DGKB: variants seen among roughly 807,000 people sequenced by gnomAD.
The protein encoded by DGKB is diacylglycerol kinase beta.
Under a neutral mutation model 114.3 loss-of-function variants are expected in DGKB, and 67 were observed. That is an observed-to-expected ratio of 0.59 (90% CI 0.48 to 0.72). The LOEUF is 0.72. Ranked by LOEUF, DGKB falls within the 30% of genes least tolerant of loss-of-function variation. The pLI, the probability that DGKB is intolerant of heterozygous loss-of-function variation, is 0.00. For synonymous variants in DGKB, 398 were observed against 323.1 expected, an observed-to-expected ratio of 1.23 and a Z score of -2.49; for missense variants, 907 against 975.2, an observed-to-expected ratio of 0.93 and a Z score of 0.93.
At chr7:14,235,707 A>G (rs1792656204) in intron 23 of DGKB, among the ~76,000 whole-genome samples, 5 of 152,092 alleles carry the variant, frequency 3.3e-5, no homozygotes, top group African/African-American at 1.2e-4. Context: ...ACTTTTCCCA[A>G]TACCCTTAAT....
rs118036591 is a variant in DGKB, at chr7:14,793,950, C to T, written c.71-36219G>A. On this transcript the variant is annotated intron_variant, in intron 2 of 25. Coordinates refer to ENST00000402815, the MANE Select transcript of DGKB (RefSeq NM_001350709.2). The stretch of plus-strand genomic sequence containing the variant: ...AGAAAGAACTTGCTTCTTTTTGCTT[C>T]CTGCCTGCCTGACTGAGCTCATCTT... Among the ~76,000 whole-genome samples the T allele has an allele frequency of 5.2e-4, 79 of 152,118 alleles. No homozygotes were observed. In the East Asian group the frequency reaches 0.015, roughly 28 times the overall value.
chr7:14,563,948 C>A (rs1312320152), intron 20 of DGKB, among the ~76,000 whole-genome samples: 1 of 152,172 alleles, frequency 6.6e-6, no homozygotes, highest in African/African-American at 2.4e-5. Flanking sequence ...TTTCTGCTAG[C>A]ACAAGCCACC....
intron 15 of DGKB, among the ~76,000 whole-genome samples, chr7:14,619,186 T>C (rs1807143316): frequency 6.6e-6 from 1 of 151,334 alleles, no homozygotes; most frequent in Admixed American, 6.7e-5. Context: ...TGGTATTTTT[T>C]TAACTGGTGT....
At chr7:14,717,850 T>G (rs1308367419) in intron 6 of DGKB, among the ~76,000 whole-genome samples, 1 of 152,122 alleles carries the variant, frequency 6.6e-6, no homozygotes, top group Non-Finnish European at 1.5e-5. Context: ...ATGATCAGGT[T>G]TAGAGTAAAT....
chr7:14,662,215 A>C (rs1252666758), intron 13 of DGKB, among the ~76,000 whole-genome samples: 1 of 151,884 alleles, frequency 6.6e-6, no homozygotes, highest in African/African-American at 2.4e-5. Flanking sequence ...TAATTAAAAA[A>C]AATAAAAATA....
intron 6 of DGKB, among the ~76,000 whole-genome samples, chr7:14,707,402 G>A (rs1311978637): frequency 1.4e-5 from 2 of 146,068 alleles, no homozygotes; most frequent in Non-Finnish European, 1.5e-5. Context: ...GGAGGAACTG[G>A]TACCATTCCT....
intron 15 of DGKB, among the ~76,000 whole-genome samples, chr7:14,617,936 C>A (rs1400058795): frequency 6.6e-6 from 1 of 151,590 alleles, no homozygotes; most frequent in African/African-American, 2.4e-5. Flanking sequence ...TTACTCAGCT[C>A]TATTTTTACA....
At chr7:14,658,454 T>G (rs577061943) in intron 13 of DGKB, among the ~76,000 whole-genome samples, 1 of 151,866 alleles carries the variant, frequency 6.6e-6, no homozygotes. Context: ...AAAGAGAGGT[T>G]GGTTAATGGA....
chr7:14,349,289 A>G (rs1813030049), intron 21 of DGKB, among the ~76,000 whole-genome samples: 2 of 152,220 alleles, frequency 1.3e-5, no homozygotes, highest in Middle Eastern at 3.4e-3. Context: ...CGAGAATACC[A>G]GAGTCTAAAT....
chr7:14,805,024 T>C (rs965703353), intron 2 of DGKB, among the ~76,000 whole-genome samples: 3 of 152,128 alleles, frequency 2.0e-5, no homozygotes, highest in African/African-American at 7.2e-5. Flanking sequence ...GTTTTATTAG[T>C]TATTGTGCTT....
At chr7:14,863,662 T>A (rs918472366) in intron 1 of DGKB, among the ~76,000 whole-genome samples, 2 of 152,142 alleles carry the variant, frequency 1.3e-5, no homozygotes, top group Non-Finnish European at 1.5e-5. Context: ...ATTTATGGGA[T>A]ATGATGAAAT....
chr7:14,577,616 C>CA (rs566335685), intron 19 of DGKB, among the ~76,000 whole-genome samples: 9,556 of 143,712 alleles, frequency 0.066, 967 homozygotes, highest in African/African-American at 0.23. Context: ...GACTCCGTCT[C>CA]AAAAAAAAAA....
In DGKB at chr7:14,146,086, CT is replaced by C. The variant is rs1251910828; in HGVS notation, c.*3044del. The stretch of plus-strand genomic sequence containing the variant: ...GAACCTGTTTTAAATAAAATAAAAA[CT>C]GTTTTAAAATGTTAATTTTTAAACT... On this transcript the variant is annotated 3_prime_UTR_variant, in exon 26 of 26. Coordinates refer to ENST00000402815, the MANE Select transcript of DGKB (RefSeq NM_001350709.2). The C allele has an allele frequency of 4.6e-5, 7 of 152,174 alleles. No homozygotes were observed. Among genetic ancestry groups the C allele is most frequent in the African/African-American group, 1.4e-4 (6 of 41,462 alleles). The allele number at this position is 152,174 out of a possible 1,614,324, so 9.4% of individuals were successfully genotyped here.
At chr7:14,191,965 C>T in intron 23 of DGKB, 2 of 651,560 alleles carry the variant, frequency 3.1e-6, no homozygotes, top group South Asian at 2.9e-5. Context: ...GTGATGCTAC[C>T]ATTGTCGATA....
At chr7:14,592,979 T>C (rs868160875) in intron 17 of DGKB, among the ~76,000 whole-genome samples, 3 of 151,986 alleles carry the variant, frequency 2.0e-5, no homozygotes, top group Non-Finnish European at 4.4e-5. Context: ...ATTTACACTG[T>C]TTTGGGAAGA....
intron 21 of DGKB, among the ~76,000 whole-genome samples, chr7:14,390,560 CTT>C (rs1360683125): frequency 6.6e-6 from 1 of 152,104 alleles, no homozygotes; most frequent in East Asian, 1.9e-4. Context: ...ATTTTATACA[CTT>C]AATTTTTATA....
At chr7:14,622,031 C>T (rs549251744) in intron 14 of DGKB, among the ~76,000 whole-genome samples, 1 of 152,120 alleles carries the variant, frequency 6.6e-6, no homozygotes, top group Non-Finnish European at 1.5e-5. Flanking sequence ...TGCCTGCTCC[C>T]TGTTTCTATT....
At chr7:14,528,553 T>G (rs941731729) in intron 20 of DGKB, among the ~76,000 whole-genome samples, 2 of 152,074 alleles carry the variant, frequency 1.3e-5, no homozygotes, top group Non-Finnish European at 2.9e-5. Context: ...CATAGTAACT[T>G]GCAGCAGAAT....
intron 20 of DGKB, among the ~76,000 whole-genome samples, chr7:14,566,838 T>C (rs1797454120): frequency 6.6e-6 from 1 of 151,916 alleles, no homozygotes; most frequent in Non-Finnish European, 1.5e-5. Context: ...CTCTTTGGTG[T>C]CCAGCTCACT....
Sources: allele counts gnomAD v4.1 joint callset (sites outside exome capture counted in the v4.1 genomes callset), GRCh38; gene constraint gnomAD v4.1.1; transcripts MANE v1.5; gene names NCBI Gene and HGNC (gene_info 2026-07-23, HGNC 2026-07-21).